Variants in PADI2 observed in about 807,000 individuals in gnomAD.
The protein encoded by PADI2 is peptidyl arginine deiminase 2, also known as protein-arginine deiminase type-2.
In PADI2, 70 loss-of-function variants were observed where a neutral mutation model predicts 81.1. The observed-to-expected ratio is 0.86, with a 90% CI of 0.71 to 1.05. The LOEUF (loss-of-function observed/expected upper bound fraction) is 1.05, where lower values mean the gene tolerates loss of function less well. PADI2 is among the 50% of genes least tolerant of loss of function. The pLI, the probability that PADI2 is intolerant of heterozygous loss-of-function variation, is 0.00. For missense variants in PADI2, 853 were observed against 889.9 expected (o/e 0.96, Z 0.53); for synonymous variants, 338 against 358.0 (o/e 0.94, Z 0.63).
At chr1:17,069,340 T>TAAGTTCC in intron 15 of PADI2, 63 bp from the exon 16 acceptor site, 1 of 1,250,830 alleles carries the variant, frequency 8.0e-7, no homozygotes, top group Non-Finnish European at 1.2e-6. Context: ...CACACATGCC[T>TAAGTTCC]ATCCTAAGCT....
At chr1:17,082,998 T>G (rs564602116) in intron 9 of PADI2, 2 of 195,412 alleles carry the variant, frequency 1.0e-5, no homozygotes, top group African/African-American at 4.7e-5. Context: ...AGCCTCTGAG[T>G]AGCTACGACT....
At chr1:17,095,885 G>C (rs1320571187) in intron 4 of PADI2, 24 bp downstream of exon 4, 22 of 1,599,086 alleles carry the variant, frequency 1.4e-5, no homozygotes, top group Non-Finnish European at 1.8e-5. Context: ...GTTCAGGGTG[G>C]TGCCTGCCCT....
At position 17,092,377 on chromosome 1, in the gene PADI2, G is replaced by T. The variant is rs755352822; in HGVS notation, c.655+31C>A. 3 of 1,573,448 alleles carry T rather than the reference G, an allele frequency of 1.9e-6. No individual in the cohort carries two copies. In the South Asian group the frequency reaches 3.5e-5, roughly 18 times the overall value. On this transcript the variant is annotated intron_variant, in intron 6 of 15. Transcript: ENST00000375486. Reference sequence around the variant, plus strand: ...GGGAGGAGGGTAGGTGGCTAGAAAGGTCTAGGCTGGACTGGGCTGGGATCA... The same window carrying T: ...GGGAGGAGGGTAGGTGGCTAGAAAGTTCTAGGCTGGACTGGGCTGGGATCA...
At chr1:17,071,297 G>T (rs776617949) in intron 14 of PADI2, 109 bp downstream of exon 14, 41 of 754,256 alleles carry the variant, frequency 5.4e-5, no homozygotes, top group Non-Finnish European at 8.7e-5. Flanking sequence ...CTCGGGGTCA[G>T]GAGCTCCTGA....
At chr1:17,101,654 C>A (rs187915401) in intron 3 of PADI2, among the ~76,000 whole-genome samples, 1 of 152,122 alleles carries the variant, frequency 6.6e-6, no homozygotes, top group Admixed American at 6.6e-5. Context: ...ATGAGAAGGG[C>A]CCTGCTGCTA....
intron 1 of PADI2, among the ~76,000 whole-genome samples, chr1:17,108,957 C>T (rs1389026969): frequency 1.3e-5 from 2 of 152,150 alleles, no homozygotes; most frequent in East Asian, 1.9e-4. Flanking sequence ...TGCTGGGTGG[C>T]CTTGGGCCAG....
chr1:17,095,796 C>G, intron 4 of PADI2, 113 bp downstream of exon 4: 1 of 750,952 alleles, frequency 1.3e-6, no homozygotes, highest in Non-Finnish European at 2.3e-6. Flanking sequence ...GTCTGGGAGC[C>G]TGTCTTGGGC....
chr1:17,106,222 G>A (rs553526802), intron 1 of PADI2, among the ~76,000 whole-genome samples: 37 of 152,096 alleles, frequency 2.4e-4, no homozygotes, highest in African/African-American at 8.7e-4. Context: ...CCATTGCAAA[G>A]CAAATACTTT....
intron 1 of PADI2, among the ~76,000 whole-genome samples, chr1:17,107,005 G>A (rs1335335058): frequency 6.6e-6 from 1 of 152,116 alleles, no homozygotes; most frequent in Non-Finnish European, 1.5e-5. Flanking sequence ...CCCTGTCCAT[G>A]GTGTTTTGTT....
intron 6 of PADI2, among the ~76,000 whole-genome samples, chr1:17,088,602 C>T (rs1930551078): frequency 6.6e-6 from 1 of 152,032 alleles, no homozygotes; most frequent in South Asian, 2.1e-4. Flanking sequence ...ACTTCTCTGG[C>T]TTTACAAGCT....
intron 12 of PADI2, 122 bp downstream of exon 12, chr1:17,075,557 G>C: frequency 1.1e-6 from 1 of 914,018 alleles, no homozygotes; most frequent in East Asian, 2.8e-5. Flanking sequence ...ACCAGCTTCA[G>C]CCTACTTCCT....
chr1:17,075,254 A>C, intron 12 of PADI2: 1 of 323,648 alleles, frequency 3.1e-6, no homozygotes, highest in Non-Finnish European at 5.7e-6. Context: ...TTGTACCCAT[A>C]AGAAAATGAA....
At chr1:17,086,748 G>A in intron 6 of PADI2, 49 bp from the exon 7 acceptor site, 1 of 1,549,214 alleles carries the variant, frequency 6.5e-7, no homozygotes, top group African/African-American at 1.4e-5. Context: ...TCAGAAAGAG[G>A]TCGGTGGGGT....
chr1:17,082,403 A>G, intron 10 of PADI2, 142 bp downstream of exon 10: 1 of 647,620 alleles, frequency 1.5e-6, no homozygotes, highest in East Asian at 2.8e-5. Context: ...AGCTATCCCA[A>G]GTGGACTCAT....
rs200819715 is a variant in PADI2, at chr1:17,105,034, G to A, written c.120C>T (p.Phe40=). 7.5e-6 allele frequency: 12 copies of A among 1,593,160 alleles called. No homozygotes were observed. The East Asian group carries it at 2.3e-4, about 30-fold the overall frequency. ...YSAAPAGAQT[F]SLKHSEHVWV... is the part of the protein sequence containing the mutation. ...ACACGTGTTCCGAGTGCTTCAGGCT[G>A]AAGGTTTGGGCCCCGGCTGGGGCCG... is the stretch of plus-strand genomic sequence containing the variant. The change falls in exon 2 of 16, where the codon TTC becomes TTT. Residue 40 remains phenylalanine (F), a synonymous_variant. Coordinates refer to ENST00000375486, the MANE Select transcript of PADI2 (RefSeq NM_007365.3).
At chr1:17,071,628 A>G in intron 13 of PADI2, 137 bp from the exon 14 acceptor site, 1 of 672,732 alleles carries the variant, frequency 1.5e-6, no homozygotes, top group Non-Finnish European at 2.6e-6. Context: ...AGGCTGGATC[A>G]CAGGAGGGCA....
At chr1:17,108,982 TCA>T (rs1288389870) in intron 1 of PADI2, among the ~76,000 whole-genome samples, 1 of 152,122 alleles carries the variant, frequency 6.6e-6, no homozygotes, top group East Asian at 1.9e-4. Context: ...TTTCCCTCTC[TCA>T]GTTTCATCCA....
chr1:17,069,149 G>A lies in PADI2; in HGVS notation c.1893C>T (p.Phe631=). The change falls in exon 16 of 16, where the codon TTC becomes TTT. Residue 631 remains phenylalanine, a synonymous_variant. Transcript: ENST00000375486. ...LLEPLGLECT[F]IDDISAYHKF... is the part of the protein sequence containing the mutation. Reference sequence around the variant, plus strand: ...TGTGGTAGGCAGAAATGTCGTCGATGAAGGTGCATTCGAGGCCCAGGGGCT... The same window carrying A: ...TGTGGTAGGCAGAAATGTCGTCGATAAAGGTGCATTCGAGGCCCAGGGGCT... 1 of 1,614,244 alleles carries A rather than the reference G, an allele frequency of 6.2e-7. No individual in the cohort carries two copies. Among genetic ancestry groups the A allele is most frequent in the Non-Finnish European group, 8.5e-7 (1 of 1,180,024 alleles).
chr1:17,071,657 C>G (rs1477077623), intron 13 of PADI2, among the ~76,000 whole-genome samples, 166 bp from the exon 14 acceptor site: 1 of 152,200 alleles, frequency 6.6e-6, no homozygotes, highest in Non-Finnish European at 1.5e-5. Flanking sequence ...CAAAATCAGG[C>G]CCCCCTCTGT....
Sources: gnomAD v4.1 joint callset for allele counts (sites outside exome capture counted in the v4.1 genomes callset) on GRCh38, gnomAD v4.1.1 for gene constraint, MANE v1.5 for transcripts, NCBI Gene and HGNC (gene_info 2026-07-23, HGNC 2026-07-21) for gene names.